OPA3: variants seen among roughly 807,000 people sequenced by gnomAD.
OPA3 encodes outer mitochondrial membrane lipid metabolism regulator OPA3.
Under a neutral mutation model 4.0 loss-of-function variants are expected in OPA3, and 6 were observed. The observed-to-expected ratio is 1.51, with a 90% CI of 0.83 to 2.99. The LOEUF is 2.99. Among genes scored for constraint, OPA3 ranks in the 30% most tolerant of loss-of-function variants. The probability of loss-of-function intolerance (pLI) is 0.00; values close to 1 mark genes in which losing one functional copy is unlikely to be tolerated. For synonymous variants in OPA3, 105 were observed against 117.1 expected (o/e 0.90, Z 0.67); for missense variants, 235 against 256.2 (o/e 0.92, Z 0.56).
intron 1 of OPA3, among the ~76,000 whole-genome samples, chr19:45,532,992 A>G (rs1281000326): frequency 6.6e-6 from 1 of 151,740 alleles, no homozygotes; most frequent in African/African-American, 2.4e-5. Flanking sequence ...CCCAGGCTCA[A>G]GCGATTCTCC....
chr19:45,582,538 C>T lies in OPA3; in HGVS notation c.142+2085G>A, dbSNP rs111714409. Among the ~76,000 whole-genome samples, 115 of 151,622 alleles carry T rather than the reference C, an allele frequency of 7.6e-4. 1 individual carries two copies. The highest frequency in any genetic ancestry group is 2.5e-3 in the African/African-American group (104 of 41,310). On this transcript the variant is annotated intron_variant, in intron 1 of 1. Coordinates refer to ENST00000263275, the MANE Select transcript of OPA3 (RefSeq NM_025136.4). ...TCGCCCAGGCTGGAGTGTAGTGGTG[C>T]GATCTCGGTGGAGCAGAGTTTTTAA...
intron 1 of OPA3, among the ~76,000 whole-genome samples, chr19:45,578,644 A>G (rs1017897066): frequency 2.6e-5 from 4 of 151,844 alleles, no homozygotes; most frequent in Admixed American, 1.3e-4. Flanking sequence ...CCTGATCAAC[A>G]TGGAGAAACC....
chr19:45,536,570 T>C (rs1476795383), intron 1 of OPA3, among the ~76,000 whole-genome samples: 1 of 146,914 alleles, frequency 6.8e-6, no homozygotes. Context: ...AAAAAGTGTA[T>C]GGAAACACAA....
At chr19:45,566,063 A>G (rs1240346323) in intron 1 of OPA3, among the ~76,000 whole-genome samples, 1 of 152,242 alleles carries the variant, frequency 6.6e-6, no homozygotes, top group Admixed American at 6.5e-5. Flanking sequence ...AGCAAACGAA[A>G]GCCAGCAATA....
At chr19:45,576,547 C>CCAA (rs1555735885) in intron 1 of OPA3, among the ~76,000 whole-genome samples, 7 of 113,282 alleles carry the variant, frequency 6.2e-5, no homozygotes, top group Admixed American at 1.8e-4. Context: ...CCCCCCCCCC[C>CCAA]AAAAAAAAAA....
chr19:45,561,149 C>T (rs1969496227), intron 1 of OPA3, among the ~76,000 whole-genome samples: 1 of 151,992 alleles, frequency 6.6e-6, no homozygotes, highest in Non-Finnish European at 1.5e-5. Context: ...GCCTGACCAA[C>T]ATGGAGAAAC....
At chr19:45,535,626 T>C (rs1443507355) in intron 1 of OPA3, among the ~76,000 whole-genome samples, 1 of 152,166 alleles carries the variant, frequency 6.6e-6, no homozygotes, top group Admixed American at 6.5e-5. Context: ...CCCAAAGTGC[T>C]GGGATTACAG....
rs1241138154 is a variant in OPA3, at chr19:45,553,832, C to T, written c.222G>A (p.Glu74=). 2 of 1,613,062 alleles carry T rather than the reference C, an allele frequency of 1.2e-6. No homozygotes were observed. The highest frequency in any genetic ancestry group is 4.5e-5 in the East Asian group (2 of 44,866). ...GCTCTGCGCCCAGCTCAGCTGCCGC[C>T]TCCTCGTTCAGCGGCTTGATGACCG... The part of the protein sequence containing the change: ...RGTVIKPLNE[E]AAAELGAELL... The change falls in exon 2 of 2, where the codon GAG becomes GAA. Residue 74 remains glutamate, a synonymous_variant. Coordinates refer to ENST00000263275, the MANE Select transcript of OPA3 (RefSeq NM_025136.4).
chr19:45,534,287 C>T (rs1055480967), intron 1 of OPA3, among the ~76,000 whole-genome samples: 3 of 152,214 alleles, frequency 2.0e-5, no homozygotes, highest in African/African-American at 7.2e-5. Context: ...AGAGGCCAGG[C>T]GCTGTGGCTC....
chr19:45,529,605 G>C, intron 1 of OPA3: 1 of 922,182 alleles, frequency 1.1e-6, no homozygotes, highest in Non-Finnish European at 1.7e-6. Flanking sequence ...ACGAAGACAA[G>C]TGCAGGCCTC....
In OPA3 at chr19:45,550,187, GAAGAA is replaced by G. The variant is rs936070897; in HGVS notation, c.*3322_*3326del. 4.6e-5 allele frequency: 45 copies of G among 983,664 alleles called. No homozygotes were observed. The highest frequency in any genetic ancestry group is 5.2e-5 in the Non-Finnish European group (43 of 828,524). The allele number at this position is 983,664 out of a possible 1,614,324, so 60.9% of individuals were successfully genotyped here. On this transcript the variant is annotated 3_prime_UTR_variant, in exon 2 of 2. Coordinates refer to ENST00000263275, the MANE Select transcript of OPA3 (RefSeq NM_025136.4). ...AAAGAAAAGAAAAAAGAAGAGAAAA[GAAGAA>G]AAGAAAAGTTTCAGAACCTGTTTCT...
intron 1 of OPA3, among the ~76,000 whole-genome samples, chr19:45,541,020 G>A (rs1969180280): frequency 6.6e-6 from 1 of 152,090 alleles, no homozygotes; most frequent in African/African-American, 2.4e-5. Flanking sequence ...GTTGCATTGG[G>A]GAAGCGCCAT....
intron 1 of OPA3, among the ~76,000 whole-genome samples, chr19:45,583,893 C>T (rs1969892309): frequency 1.3e-5 from 2 of 152,214 alleles, no homozygotes; most frequent in Non-Finnish European, 2.9e-5. Flanking sequence ...CTCTGAGCTC[C>T]GGGGCTCCCA....
At chr19:45,537,410 A>AAAAAAAAAAAAAAAAAAAAAAAAAAAAAG (rs1555730890) in intron 1 of OPA3, among the ~76,000 whole-genome samples, 1 of 120,060 alleles carries the variant, frequency 8.3e-6, no homozygotes, top group African/African-American at 3.3e-5. Flanking sequence ...AAAAAAAAAA[A>AAAAAAAAAAAAAAAAAAAAAAAAAAAAAG]AAAAAAAAAA....
chr19:45,572,843 A>C (rs888050080), intron 1 of OPA3, among the ~76,000 whole-genome samples: 2 of 145,346 alleles, frequency 1.4e-5, no homozygotes, highest in Non-Finnish European at 3.0e-5. Context: ...ATATCTATCT[A>C]TATATATTTT....
intron 1 of OPA3, among the ~76,000 whole-genome samples, chr19:45,554,714 T>C (rs894201631): frequency 6.6e-6 from 1 of 152,260 alleles, no homozygotes; most frequent in African/African-American, 2.4e-5. Flanking sequence ...TGTGGTGCCT[T>C]TGCAGACTCA....
At chr19:45,558,730 T>C (rs980933371) in intron 1 of OPA3, among the ~76,000 whole-genome samples, 10 of 152,020 alleles carry the variant, frequency 6.6e-5, no homozygotes, top group Non-Finnish European at 1.2e-4. Flanking sequence ...CTGTTTTTTT[T>C]TTTTATTTTT....
downstream of OPA3, among the ~76,000 whole-genome samples, chr19:45,544,795 A>T (rs202193462): frequency 3.6e-5 from 5 of 140,748 alleles, no homozygotes; most frequent in East Asian, 6.5e-4. Flanking sequence ...ACTCCGTCTC[A>T]AAATAAATAA....
At chr19:45,534,189 A>C (rs1366494510) in intron 1 of OPA3, among the ~76,000 whole-genome samples, 1 of 152,144 alleles carries the variant, frequency 6.6e-6, no homozygotes, top group Non-Finnish European at 1.5e-5. Context: ...ACTGCCATTA[A>C]CCCCCTCCAA....
Sources: gnomAD v4.1 joint callset for allele counts (sites outside exome capture counted in the v4.1 genomes callset) on GRCh38, gnomAD v4.1.1 for gene constraint, MANE v1.5 for transcripts, NCBI Gene and HGNC (gene_info 2026-07-23, HGNC 2026-07-21) for gene names.